TNFRSF11A: variants seen among roughly 807,000 people sequenced by gnomAD.
TNFRSF11A encodes TNF receptor superfamily member 11a.
A neutral mutation model predicts 55.7 loss-of-function variants in TNFRSF11A; 32 were observed. The ratio of observed to expected loss-of-function variants is 0.57; its 90% CI spans 0.43 to 0.77. The LOEUF is 0.77. TNFRSF11A is among the 30% of genes least tolerant of loss of function. TNFRSF11A has a pLI of 0.00. For synonymous variants in TNFRSF11A, 311 were observed against 331.0 expected, an observed-to-expected ratio of 0.94 and a Z score of 0.65; for missense variants, 753 against 809.8, an observed-to-expected ratio of 0.93 and a Z score of 0.85.
chr18:62,343,270 GT>G (rs1278076129), intron 1 of TNFRSF11A, among the ~76,000 whole-genome samples: 1 of 152,114 alleles, frequency 6.6e-6, no homozygotes, highest in African/African-American at 2.4e-5. Flanking sequence ...GTTCTTCTAG[GT>G]TACGTTCTTT....
chr18:62,354,470 C>T lies in TNFRSF11A; in HGVS notation c.363C>T (p.Ser121=). The T allele has an allele frequency of 6.2e-7, 1 of 1,601,472 alleles. No individual in the cohort carries two copies. Residue 121 remains serine, a synonymous_variant, in exon 4 of 10, where the codon AGC becomes AGT. Coordinates refer to ENST00000586569, the MANE Select transcript of TNFRSF11A (RefSeq NM_003839.4). ...RCACTAGYHW[S]QDCECCRRNT... is the part of the protein sequence containing the mutation. ...CGTGCACGGCTGGGTACCACTGGAG[C>T]CAGGACTGCGAGTGCTGCCGCCGCA... is the stretch of plus-strand genomic sequence containing the variant.
chr18:62,366,513 C>G (rs1402371959), intron 7 of TNFRSF11A, among the ~76,000 whole-genome samples, 195 bp from the exon 8 acceptor site: 1 of 152,092 alleles, frequency 6.6e-6, no homozygotes, highest in Non-Finnish European at 1.5e-5. Context: ...GCGGATCTTG[C>G]CACACACACA....
chr18:62,357,718 T>C (rs892942017), intron 4 of TNFRSF11A, among the ~76,000 whole-genome samples: 1 of 152,200 alleles, frequency 6.6e-6, no homozygotes, highest in African/African-American at 2.4e-5. Flanking sequence ...GAAAACTTTG[T>C]TGACACTCTG....
intron 4 of TNFRSF11A, among the ~76,000 whole-genome samples, chr18:62,356,664 C>A (rs1242573184): frequency 6.6e-6 from 1 of 152,164 alleles, no homozygotes; most frequent in East Asian, 1.9e-4. Flanking sequence ...CTGCTTTTGC[C>A]CTTAATAGAG....
At chr18:62,343,975 TCTAAACAA>T (rs766498051) in intron 1 of TNFRSF11A, among the ~76,000 whole-genome samples, 57 of 152,362 alleles carry the variant, frequency 3.7e-4, no homozygotes, top group Middle Eastern at 6.8e-3. Context: ...TGGCTGCTTT[TCTAAACAA>T]GACCTCTAAG....
chr18:62,343,084 TAAGTG>T (rs1422794251), intron 1 of TNFRSF11A, among the ~76,000 whole-genome samples: 1 of 152,238 alleles, frequency 6.6e-6, no homozygotes, highest in East Asian at 1.9e-4. Context: ...GCAGGGCTGT[TAAGTG>T]AAGTGTTGTT....
chr18:62,374,510 T>C lies in TNFRSF11A; in HGVS notation c.1567+5026T>C, dbSNP rs184853178. Among the ~76,000 whole-genome samples the C allele has an allele frequency of 4.5e-4, 68 of 152,394 alleles. 1 individual carries two copies. The East Asian group carries it at 0.012, about 27-fold the overall frequency. ...GTTTGAGTGTATTTGTGTATATTTT[T>C]AGTTCTCTTCCTTGGAAGAAAATCT... On this transcript the variant is annotated intron_variant, in intron 9 of 9. Transcript: ENST00000586569.
At chr18:62,345,267 G>C (rs2046366818) in intron 1 of TNFRSF11A, among the ~76,000 whole-genome samples, 1 of 152,146 alleles carries the variant, frequency 6.6e-6, no homozygotes, top group Non-Finnish European at 1.5e-5. Context: ...AAGAGGAAAA[G>C]GGGCAATAAA....
intron 9 of TNFRSF11A, among the ~76,000 whole-genome samples, chr18:62,379,805 A>T (rs1229839978): frequency 2.0e-5 from 3 of 152,228 alleles, no homozygotes; most frequent in Admixed American, 6.5e-5. Context: ...CTTGAACATG[A>T]GGGAAACATA....
chr18:62,384,792 G>C lies in TNFRSF11A; in HGVS notation c.1609G>C (p.Gly537Arg). The change falls in exon 10 of 10, where the codon GGG (glycine) becomes CGG (arginine). Residue 537 changes from glycine to arginine, a missense_variant. Coordinates refer to ENST00000586569, the MANE Select transcript of TNFRSF11A (RefSeq NM_003839.4). ...GNSNSTFISS[G>R]QVMNFKGDII... The stretch of plus-strand genomic sequence containing the variant: ...CAGTAACTCCACGTTCATCTCCAGC[G>C]GGCAGGTGATGAACTTCAAGGGCGA... The C allele has an allele frequency of 1.2e-6, 2 of 1,612,748 alleles. No homozygotes were observed. The highest frequency in any genetic ancestry group is 1.7e-6 in the Non-Finnish European group (2 of 1,179,530).
In TNFRSF11A at chr18:62,368,973, G is replaced by A; in HGVS notation, c.1056G>A (p.Arg352=). Residue 352 remains arginine, a synonymous_variant, in exon 9 of 10, where the codon AGG becomes AGA. Coordinates refer to ENST00000586569, the MANE Select transcript of TNFRSF11A (RefSeq NM_003839.4). Reference sequence around the variant, plus strand: ...CCACAGAAGATGAATACATGGACAGGCCCTCCCAGCCCACAGACCAGTTAC... The same window carrying A: ...CCACAGAAGATGAATACATGGACAGACCCTCCCAGCCCACAGACCAGTTAC... ...QMPTEDEYMD[R]PSQPTDQLLF... 6.2e-7 allele frequency: 1 copy of A among 1,614,226 alleles called. No homozygotes were observed.
Position 62,368,746 on chromosome 18 carries a change from G to C in TNFRSF11A, c.829G>C (p.Gly277Arg), listed in dbSNP as rs1376542642. 7 of 1,614,180 alleles carry C rather than the reference G, an allele frequency of 4.3e-6. No individual in the cohort carries two copies. The highest frequency in any genetic ancestry group is 5.9e-6 in the Non-Finnish European group (7 of 1,180,036). The part of the protein sequence containing the change: ...SCVSTHTANF[G>R]QQGACEGVLL... Reference sequence around the variant, plus strand: ...TGTCAGTACACACACGGCAAACTTTGGTCAGCAGGGAGCATGTGAAGGTGT... The same window carrying C: ...TGTCAGTACACACACGGCAAACTTTCGTCAGCAGGGAGCATGTGAAGGTGT... Residue 277 changes from glycine (G) to arginine (R), a missense_variant, in exon 9 of 10, where the codon GGT (glycine) becomes CGT (arginine). Around this residue, in one of 3 missense-constraint regions of TNFRSF11A, gnomAD observed 567 missense variants for 596.7 expected, o/e 0.95. Coordinates refer to ENST00000586569, the MANE Select transcript of TNFRSF11A (RefSeq NM_003839.4).
chr18:62,358,433 GTTGGGTTAGGCTTCCTCT>G, intron 5 of TNFRSF11A, 92 bp downstream of exon 5: 2 of 1,262,794 alleles, frequency 1.6e-6, no homozygotes, highest in Non-Finnish European at 1.2e-6. Context: ...GACGGATTCT[GTTGGGTTAGGCTTCCTCT>G]TGAAGCCACG....
At chr18:62,331,275 G>A (rs2046149670) in intron 1 of TNFRSF11A, among the ~76,000 whole-genome samples, 1 of 152,250 alleles carries the variant, frequency 6.6e-6, no homozygotes, top group South Asian at 2.1e-4. Flanking sequence ...GGACAAAAAA[G>A]CTGGCTGTTT....
intron 1 of TNFRSF11A, among the ~76,000 whole-genome samples, chr18:62,338,283 G>A (rs1239913152): frequency 1.3e-5 from 2 of 152,186 alleles, no homozygotes; most frequent in Admixed American, 6.6e-5. Flanking sequence ...TGGGTGCCTC[G>A]AAGAGCTAAA....
intron 1 of TNFRSF11A, among the ~76,000 whole-genome samples, chr18:62,329,085 AT>A (rs2046114042): frequency 6.6e-6 from 1 of 152,100 alleles, no homozygotes; most frequent in Admixed American, 6.5e-5. Context: ...CAATATTAAA[AT>A]TTCCCCCATT....
At chr18:62,371,293 G>A (rs1910535383) in intron 9 of TNFRSF11A, among the ~76,000 whole-genome samples, 1 of 152,318 alleles carries the variant, frequency 6.6e-6, no homozygotes, top group East Asian at 1.9e-4. Flanking sequence ...GTGACACCAG[G>A]AAGATGATGT....
intron 1 of TNFRSF11A, among the ~76,000 whole-genome samples, chr18:62,330,223 G>C (rs1027667505): frequency 1.3e-5 from 2 of 152,182 alleles, no homozygotes; most frequent in Non-Finnish European, 2.9e-5. Context: ...AGCAGGATCC[G>C]GTGTTCTGGG....
At chr18:62,375,075 TTG>T (rs375088522) in intron 9 of TNFRSF11A, among the ~76,000 whole-genome samples, 46 of 62,370 alleles carry the variant, frequency 7.4e-4, no homozygotes, top group Admixed American at 4.7e-3. Flanking sequence ...CTGCTAATTT[TTG>T]TGTGTGTGTT....
Sources: allele counts gnomAD v4.1 joint callset (sites outside exome capture counted in the v4.1 genomes callset), GRCh38; gene constraint gnomAD v4.1.1; regional missense constraint gnomAD v4.1.1; transcripts MANE v1.5; gene names NCBI Gene and HGNC (gene_info 2026-07-23, HGNC 2026-07-21).